Variants in IL1R2 observed in about 807,000 individuals in gnomAD.
IL1R2 encodes interleukin-1 receptor type 2.
In IL1R2, 46 loss-of-function variants were observed where a neutral mutation model predicts 39.5. The ratio of observed to expected loss-of-function variants is 1.16; its 90% CI spans 0.92 to 1.49. The LOEUF (loss-of-function observed/expected upper bound fraction) is 1.49, where lower values mean the gene tolerates loss of function less well. IL1R2 is among the 40% of genes most tolerant of loss of function. The pLI, the probability that IL1R2 is intolerant of heterozygous loss-of-function variation, is 0.00. For synonymous variants in IL1R2, 207 were observed against 189.6 expected (o/e 1.09, Z -0.75); for missense variants, 537 against 502.0 (o/e 1.07, Z -0.67).
In IL1R2 at chr2:101,991,964, G is replaced by C. The variant is rs1460244790; in HGVS notation, c.-109G>C. ...CTGCTTTACTGCTGAGCTCCTGCTG[G>C]AGGTGAAAGTCTGGCCTGGCAGCCT... is the stretch of plus-strand genomic sequence containing the variant. On this transcript the variant is annotated 5_prime_UTR_variant, in exon 1 of 9. Coordinates refer to ENST00000332549, the MANE Select transcript of IL1R2 (RefSeq NM_004633.4). 2.0e-5 allele frequency: 3 copies of C among 152,578 alleles called. No individual in the cohort carries two copies. Among genetic ancestry groups the C allele is most frequent in the Admixed American group, 6.6e-5 (1 of 15,238 alleles). The allele number at this position is 152,578 out of a possible 1,614,324, so 9.5% of individuals were successfully genotyped here.
rs552583375 is a variant in IL1R2, at chr2:102,022,449, G to A, written c.751+200G>A. 2.6e-4 allele frequency among the ~76,000 whole-genome samples: 39 copies of A among 152,326 alleles called. No individual in the cohort carries two copies. In the South Asian group the frequency reaches 6.0e-3, roughly 23 times the overall value. Reference sequence around the variant, plus strand: ...TATTTCCCTTTGGCCAGTTTGGTTAGAAATGGCATAATCTGAAAACAGGTA... The same window carrying A: ...TATTTCCCTTTGGCCAGTTTGGTTAAAAATGGCATAATCTGAAAACAGGTA... On this transcript the variant is annotated intron_variant, in intron 6 of 8. Coordinates refer to ENST00000332549, the MANE Select transcript of IL1R2 (RefSeq NM_004633.4).
chr2:102,001,629 C>T (rs1414659864), intron 1 of IL1R2, among the ~76,000 whole-genome samples: 1 of 152,164 alleles, frequency 6.6e-6, no homozygotes, highest in African/African-American at 2.4e-5. Flanking sequence ...TGAGCCAGCA[C>T]ATTTTTCAAT....
intron 1 of IL1R2, among the ~76,000 whole-genome samples, chr2:102,004,345 C>T (rs976414264): frequency 0.19 from 5 of 26 alleles, no homozygotes; most frequent in African/African-American, 0.33. Flanking sequence ...CAACTCAGGG[C>T]TGTGCATCAG....
intron 1 of IL1R2, among the ~76,000 whole-genome samples, chr2:101,992,657 G>A (rs761257106): frequency 6.8e-6 from 1 of 147,450 alleles, no homozygotes; most frequent in Non-Finnish European, 1.5e-5. Flanking sequence ...ACAGAGATGG[G>A]GAGAGACAGA....
chr2:102,002,463 C>CTGTCTGTGTCTGGGTCTG (rs1675927530), intron 1 of IL1R2, among the ~76,000 whole-genome samples: 1 of 143,020 alleles, frequency 7.0e-6, no homozygotes, highest in East Asian at 2.1e-4. Flanking sequence ...GTCTATGTCT[C>CTGTCTGTGTCTGGGTCTG]TGTCTGTGTC....
chr2:102,000,302 G>A (rs970275758), intron 1 of IL1R2, among the ~76,000 whole-genome samples: 1 of 152,228 alleles, frequency 6.6e-6, no homozygotes, highest in Non-Finnish European at 1.5e-5. Flanking sequence ...TTTCACAGAT[G>A]AGGAGACTGA....
intron 8 of IL1R2, 119 bp downstream of exon 8, chr2:102,026,372 C>A: frequency 2.4e-6 from 2 of 834,066 alleles, no homozygotes; most frequent in Non-Finnish European, 3.6e-6. Flanking sequence ...GCATTGTCTG[C>A]TAGTGGAGAG....
intron 1 of IL1R2, among the ~76,000 whole-genome samples, chr2:102,003,402 G>A (rs1161878611): frequency 7.2e-6 from 1 of 139,320 alleles, no homozygotes; most frequent in Non-Finnish European, 1.6e-5. Flanking sequence ...CTATGTCTGT[G>A]TCTTTGTCCC....
intron 1 of IL1R2, among the ~76,000 whole-genome samples, chr2:101,997,443 A>G (rs1675648042): frequency 6.6e-6 from 1 of 152,220 alleles, no homozygotes. Flanking sequence ...GAGGAGCACC[A>G]GGAAAGCCAA....
intron 5 of IL1R2, among the ~76,000 whole-genome samples, chr2:102,020,319 G>A (rs1677297883): frequency 6.6e-6 from 1 of 152,228 alleles, no homozygotes; most frequent in Non-Finnish European, 1.5e-5. Flanking sequence ...AGTCAGAGCT[G>A]CCATTGATTA....
chr2:102,025,690 G>A (rs1425276038), intron 7 of IL1R2, among the ~76,000 whole-genome samples: 6 of 152,162 alleles, frequency 3.9e-5, no homozygotes, highest in African/African-American at 7.2e-5. Flanking sequence ...GAGAAGAGAC[G>A]GCACCACTGA....
chr2:102,021,305 C>CTTTTTT (rs546019141), intron 5 of IL1R2, among the ~76,000 whole-genome samples: 2 of 122,854 alleles, frequency 1.6e-5, no homozygotes, highest in African/African-American at 3.1e-5. Context: ...CTTTTCTTTT[C>CTTTTTT]TTTTTTTTTT....
chr2:101,994,908 G>T (rs1403515263), intron 1 of IL1R2, among the ~76,000 whole-genome samples: 1 of 152,176 alleles, frequency 6.6e-6, no homozygotes, highest in East Asian at 1.9e-4. Flanking sequence ...TAAAGTTTTG[G>T]ATGGATCCTA....
At chr2:102,000,882 T>C (rs1675823601) in intron 1 of IL1R2, among the ~76,000 whole-genome samples, 1 of 152,040 alleles carries the variant, frequency 6.6e-6, no homozygotes, top group Non-Finnish European at 1.5e-5. Flanking sequence ...TCCTCTGGAG[T>C]TGTTCAGGGT....
chr2:102,026,660 G>T (rs920916302), intron 8 of IL1R2, among the ~76,000 whole-genome samples: 12 of 152,150 alleles, frequency 7.9e-5, no homozygotes, highest in Non-Finnish European at 1.6e-4. Flanking sequence ...GCTACCCAGG[G>T]TTCAGGGCAG....
chr2:102,022,011 C>A, intron 5 of IL1R2, 176 bp from the exon 6 acceptor site: 1 of 609,468 alleles, frequency 1.6e-6, no homozygotes, highest in East Asian at 2.8e-5. Context: ...AAGTCATTGG[C>A]CAAGGATGCT....
rs1420219094 is a variant in IL1R2, at chr2:102,022,175, C to T, written c.689-12C>T. On this transcript the variant is annotated splice_polypyrimidine_tract_variant and intron_variant, in intron 5 of 8. Transcript: ENST00000332549. Reference sequence around the variant, plus strand: ...TTCCTAACGGAATCTCTTTTCCTTACATCTTTCTCAGAAAAAAAAGAAGAG... The same window carrying T: ...TTCCTAACGGAATCTCTTTTCCTTATATCTTTCTCAGAAAAAAAAGAAGAG... 3 of 1,607,954 alleles carry T rather than the reference C, an allele frequency of 1.9e-6. No homozygotes were observed. The highest frequency in any genetic ancestry group is 1.1e-5 in the South Asian group (1 of 90,944).
chr2:102,027,559 G>T (rs1449722385), intron 8 of IL1R2, among the ~76,000 whole-genome samples: 1 of 152,152 alleles, frequency 6.6e-6, no homozygotes, highest in Non-Finnish European at 1.5e-5. Context: ...TAAAATGTGA[G>T]AATCCTCTGG....
rs559460616 is a variant in IL1R2 at position 101,995,617 on chromosome 2, A to C, written c.-62+3606A>C. Among the ~76,000 whole-genome samples, 29 of 152,314 alleles carry C rather than the reference A, an allele frequency of 1.9e-4. No individual in the cohort carries two copies. The South Asian group carries it at 3.7e-3, about 20-fold the overall frequency. ...CTGGTGTGTTACACGGCAATAGAAA[A>C]TGAATACAAGGTCCTGATACTTCAC... is the stretch of plus-strand genomic sequence containing the variant. On this transcript the variant is annotated intron_variant, in intron 1 of 8. Coordinates refer to ENST00000332549, the MANE Select transcript of IL1R2 (RefSeq NM_004633.4).
Sources: gnomAD v4.1 joint callset for allele counts (sites outside exome capture counted in the v4.1 genomes callset) on GRCh38, gnomAD v4.1.1 for gene constraint, MANE v1.5 for transcripts, NCBI Gene and HGNC (gene_info 2026-07-23, HGNC 2026-07-21) for gene names.